The following COL11A1 variants were observed in gnomAD, a reference collection of about 807,000 sequenced individuals.
COL11A1 encodes collagen type XI alpha 1 chain.
In COL11A1, 74 loss-of-function variants were observed where a neutral mutation model predicts 265.2. That is an observed-to-expected ratio of 0.28 (90% CI 0.23 to 0.34). COL11A1 has a LOEUF of 0.34. Ranked by LOEUF, COL11A1 falls within the 10% of genes least tolerant of loss-of-function variation. COL11A1 has a pLI of 1.00. For missense variants in COL11A1, 2,165 were observed against 2,263.6 expected (o/e 0.96, Z 0.88); for synonymous variants, 816 against 727.6 (o/e 1.12, Z -1.96).
chr1:102,897,100 A>G (rs1370062122), intron 57 of COL11A1, among the ~76,000 whole-genome samples: 3 of 152,032 alleles, frequency 2.0e-5, no homozygotes, highest in Admixed American at 6.6e-5. Flanking sequence ...CTTCAGTGAA[A>G]GTTTAAATAA....
intron 49 of COL11A1, 105 bp downstream of exon 49, chr1:102,920,206 A>G (rs1655815853): frequency 9.7e-7 from 1 of 1,028,266 alleles, no homozygotes; most frequent in South Asian, 1.3e-5. Flanking sequence ...ATAACTATGT[A>G]AAAGGCTTAG....
intron 42 of COL11A1, among the ~76,000 whole-genome samples, chr1:102,945,054 A>ATT (rs144353168): frequency 6.7e-6 from 1 of 149,958 alleles, no homozygotes; most frequent in African/African-American, 2.4e-5. Context: ...TACAGAAAAC[A>ATT]TTTTTTTTTT....
chr1:102,888,364 A>G (rs1337743177), intron 62 of COL11A1, among the ~76,000 whole-genome samples: 3 of 152,200 alleles, frequency 2.0e-5, no homozygotes, highest in Non-Finnish European at 4.4e-5. Flanking sequence ...CAAGACTATA[A>G]TATACAATTA....
chr1:102,965,935 T>C (rs1661361943), intron 37 of COL11A1, among the ~76,000 whole-genome samples: 1 of 152,212 alleles, frequency 6.6e-6, no homozygotes, highest in African/African-American at 2.4e-5. Context: ...CAGCCTGTGA[T>C]ATTAATACAT....
At chr1:103,025,670 G>A in intron 6 of COL11A1, 57 bp from the exon 7 acceptor site, 1 of 1,573,228 alleles carries the variant, frequency 6.4e-7, no homozygotes, top group Non-Finnish European at 8.7e-7. Flanking sequence ...CAAATGTATG[G>A]AAATCATGAT....
At chr1:102,984,485 T>G (rs1663347888) in intron 30 of COL11A1, among the ~76,000 whole-genome samples, 1 of 152,062 alleles carries the variant, frequency 6.6e-6, no homozygotes, top group Admixed American at 6.6e-5. Flanking sequence ...TGCACTTCTT[T>G]GTGAATTCTA....
rs78046647 is a variant in COL11A1, at chr1:102,962,756, G to T, written c.2921C>A (p.Pro974Gln). 2.5e-3 allele frequency: 4,026 copies of T among 1,613,922 alleles called. 12 individuals carry two copies. Among genetic ancestry groups the T allele is most frequent in the Non-Finnish European group, 3.2e-3 (3,746 of 1,179,884 alleles). ...GPGGVVGPQG[P>Q]TGETGPIGER... ...CCCTATTGGACCAGTCTCACCGGTT[G>T]GTCCCTAAATTAGATAAGCAAAATC... Residue 974 changes from proline to glutamine, a missense_variant, in exon 39 of 67, where the codon CCA becomes CAA. Physicochemically the swap from Pro to Gln is moderately conservative, Grantham distance 76 (BLOSUM62 -1). Transcript: ENST00000370096.
At chr1:102,893,748 T>C (rs1652051035) in intron 57 of COL11A1, among the ~76,000 whole-genome samples, 1 of 152,164 alleles carries the variant, frequency 6.6e-6, no homozygotes, top group Non-Finnish European at 1.5e-5. Flanking sequence ...AAACTGCAGA[T>C]CCTACACTTT....
At position 102,877,144 on chromosome 1, in the gene COL11A1, G is replaced by A. The variant is rs755090708; in HGVS notation, c.*875C>T. The A allele has an allele frequency of 3.9e-5, 6 of 152,482 alleles. No homozygotes were observed. Among genetic ancestry groups the A allele is most frequent in the South Asian group, 2.1e-4 (1 of 4,834 alleles). 9.4% of individuals were successfully genotyped at this position (152,482 alleles called of 1,614,324 possible). A position where few individuals can be genotyped will look rare whatever the true frequency, so the allele number is the denominator to read the frequency against. On this transcript the variant is annotated 3_prime_UTR_variant, in exon 67 of 67. Transcript: ENST00000370096. ...GTATACATATGATTGTTTGCTTGAC[G>A]GAGGCATTGATTTGTTAATATACTT...
intron 9 of COL11A1, among the ~76,000 whole-genome samples, chr1:103,020,981 A>G (rs543886965): frequency 2.7e-4 from 39 of 144,438 alleles, no homozygotes; most frequent in African/African-American, 7.7e-4. Context: ...GCATATCTAC[A>G]ACTATCTTTT....
At chr1:102,904,916 A>G (rs1463324947) in intron 54 of COL11A1, among the ~76,000 whole-genome samples, 1 of 152,168 alleles carries the variant, frequency 6.6e-6, no homozygotes, top group African/African-American at 2.4e-5. Flanking sequence ...CTATAGACAC[A>G]TGCACACATA....
chr1:102,959,661 A>C (rs1291551050), intron 41 of COL11A1, among the ~76,000 whole-genome samples: 2 of 152,184 alleles, frequency 1.3e-5, no homozygotes, highest in Non-Finnish European at 2.9e-5. Flanking sequence ...GCATATAACA[A>C]AGTAAGTAAT....
chr1:102,970,280 T>C lies in COL11A1; in HGVS notation c.2809-8A>G. ...ATCCTTCCCAGGTGGTCCCTGAAAT[T>C]ACAAATATTAAATACCACATGTCAT... is the stretch of plus-strand genomic sequence containing the variant. On this transcript the variant is annotated splice_region_variant and splice_polypyrimidine_tract_variant and intron_variant, in intron 36 of 66. Transcript: ENST00000370096. The C allele has an allele frequency of 4.4e-6, 7 of 1,605,626 alleles. No homozygotes were observed. Among genetic ancestry groups the C allele is most frequent in the Non-Finnish European group, 6.0e-6 (7 of 1,173,180 alleles).
chr1:102,889,461 C>A lies in COL11A1; in HGVS notation c.4458G>T (p.Gly1486=), dbSNP rs773023575. Residue 1486 remains glycine (G), a synonymous_variant, in exon 59 of 67, where the codon GGG becomes GGT. Coordinates refer to ENST00000370096, the MANE Select transcript of COL11A1 (RefSeq NM_001854.4). The stretch of plus-strand genomic sequence containing the variant: ...AACCTATATTTTTACTCACCCCATC[C>A]CCTTTTGCTCCTGGAGATCCTTGAG... The part of the protein sequence containing the change: ...PGTQGSPGAK[G]DGGIPGPAGP... 6.2e-7 allele frequency: 1 copy of A among 1,611,506 alleles called. No individual in the cohort carries two copies. Among genetic ancestry groups the A allele is most frequent in the Admixed American group, 1.7e-5 (1 of 59,762 alleles).
chr1:103,003,280 A>G lies in COL11A1; in HGVS notation c.1945-12T>C, dbSNP rs939535822. On this transcript the variant is annotated splice_polypyrimidine_tract_variant and intron_variant, in intron 20 of 66. Transcript: ENST00000370096. ...AAACCTCGTGGGCCCTAGGAGAAAA[A>G]GAAAAAGCACGCCTTTATTAAAAAA... The G allele has an allele frequency of 1.2e-6, 2 of 1,612,102 alleles. No homozygotes were observed. The highest frequency in any genetic ancestry group is 1.7e-6 in the Non-Finnish European group (2 of 1,179,212).
chr1:103,092,510 T>C (rs1673406506), intron 1 of COL11A1, among the ~76,000 whole-genome samples: 1 of 152,106 alleles, frequency 6.6e-6, no homozygotes, highest in Non-Finnish European at 1.5e-5. Flanking sequence ...GCACCATTCA[T>C]AGTGGAGAGA....
chr1:102,897,331 T>C (rs1570659322), intron 57 of COL11A1, among the ~76,000 whole-genome samples: 1 of 152,032 alleles, frequency 6.6e-6, no homozygotes, highest in South Asian at 2.1e-4. Context: ...ACTTAACTAA[T>C]ACTCACCACA....
intron 35 of COL11A1, among the ~76,000 whole-genome samples, chr1:102,975,902 TTTA>T (rs1484555006): frequency 3.3e-5 from 5 of 152,246 alleles, no homozygotes; most frequent in African/African-American, 9.6e-5. Context: ...ATCACAAGTT[TTTA>T]TTATTACCAG....
At chr1:103,057,387 G>T (rs1438007410) in intron 4 of COL11A1, among the ~76,000 whole-genome samples, 1 of 152,038 alleles carries the variant, frequency 6.6e-6, no homozygotes, top group Non-Finnish European at 1.5e-5. Flanking sequence ...CTGCCGCATC[G>T]GCATTGACTT....
Sources: allele counts gnomAD v4.1 joint callset (sites outside exome capture counted in the v4.1 genomes callset), GRCh38; gene constraint gnomAD v4.1.1; transcripts MANE v1.5; gene names NCBI Gene and HGNC (gene_info 2026-07-23, HGNC 2026-07-21).